The following SLC44A5 variants were observed in gnomAD, a reference collection of about 807,000 sequenced individuals.
SLC44A5 encodes the protein choline transporter-like protein 5.
SLC44A5 carries 57 observed loss-of-function variants against 101.8 expected under a neutral mutation model. The ratio of observed to expected loss-of-function variants is 0.56; its 90% CI spans 0.45 to 0.70. The LOEUF is 0.70. SLC44A5 is among the 30% of genes least tolerant of loss of function. The pLI is 0.00. For missense variants in SLC44A5, 737 were observed against 853.1 expected, an observed-to-expected ratio of 0.86 and a Z score of 1.70; for synonymous variants, 281 against 290.9, an observed-to-expected ratio of 0.97 and a Z score of 0.35.
At chr1:75,476,513 C>T (rs576941584) in intron 2 of SLC44A5, among the ~76,000 whole-genome samples, 1 of 152,320 alleles carries the variant, frequency 6.6e-6, no homozygotes, top group East Asian at 1.9e-4. Context: ...AAAGGGGTGA[C>T]AGACGGCACC....
chr1:75,211,624 T>G, intron 22 of SLC44A5, 72 bp from the exon 23 acceptor site: 1 of 1,142,326 alleles, frequency 8.8e-7, no homozygotes, highest in Non-Finnish European at 1.3e-6. Context: ...CAGCTATAAA[T>G]GAAAGCCATG....
the SLC44A5 span, among the ~76,000 whole-genome samples, chr1:75,671,879 T>C: frequency 6.6e-6 from 1 of 152,256 alleles, no homozygotes; most frequent in African/African-American, 2.4e-5. Context: ...TATTTTCACA[T>C]GGATTCTTAA....
intron 1 of SLC44A5, among the ~76,000 whole-genome samples, chr1:75,547,683 AAAAC>A (rs1159700247): frequency 6.6e-6 from 1 of 152,180 alleles, no homozygotes; most frequent in Non-Finnish European, 1.5e-5. Flanking sequence ...AGCTTTAGCA[AAAAC>A]AAACAAACAA....
At position 75,215,765 on chromosome 1, in the gene SLC44A5, C is replaced by T. The variant is rs749022659; in HGVS notation, c.1717G>A (p.Ala573Thr). 6.3e-7 allele frequency: 1 copy of T among 1,586,126 alleles called. No individual in the cohort carries two copies. Among genetic ancestry groups the T allele is most frequent in the South Asian group, 1.1e-5 (1 of 90,318 alleles). ...ENAIKFLNRN[A>T]YIMIAIYGRN... ...AATAATCTACCTACCATAATATAGG[C>T]ATTTCTGTTTAAAAACTTTATTGCA... is the stretch of plus-strand genomic sequence containing the variant. The change falls in exon 19 of 24, where the codon GCC becomes ACC. Residue 573 changes from alanine to threonine, a missense_variant. Ala to Thr is a moderately conservative substitution (Grantham distance 58). Coordinates refer to ENST00000370859, the MANE Select transcript of SLC44A5 (RefSeq NM_001130058.2).
intron 1 of SLC44A5, among the ~76,000 whole-genome samples, chr1:75,567,336 G>A (rs1173056343): frequency 6.6e-6 from 1 of 152,116 alleles, no homozygotes; most frequent in Admixed American, 6.5e-5. Context: ...AGAACCTTTT[G>A]CATAATTTGC....
chr1:75,490,826 T>G (rs1668386251), intron 2 of SLC44A5, among the ~76,000 whole-genome samples: 1 of 152,170 alleles, frequency 6.6e-6, no homozygotes, highest in African/African-American at 2.4e-5. Context: ...ATTCTTTACA[T>G]GGGTTAGTGC....
chr1:75,475,090 T>A (rs1371274787), intron 2 of SLC44A5, among the ~76,000 whole-genome samples: 1 of 152,220 alleles, frequency 6.6e-6, no homozygotes, highest in Non-Finnish European at 1.5e-5. Context: ...CCTTTACCAC[T>A]TGCCCTCTGT....
intron 3 of SLC44A5, among the ~76,000 whole-genome samples, chr1:75,385,316 C>T (rs908549158): frequency 4.1e-5 from 6 of 147,234 alleles, no homozygotes; most frequent in East Asian, 2.0e-4. Flanking sequence ...GCTAGCAAGA[C>T]TAATAAAGAA....
chr1:75,536,627 G>GAAAGAAA (rs1371383359), intron 2 of SLC44A5, among the ~76,000 whole-genome samples: 13 of 35,504 alleles, frequency 3.7e-4, no homozygotes, highest in Non-Finnish European at 4.9e-4. Flanking sequence ...GAAAAGAAAA[G>GAAAGAAA]AAAGAAAAAA....
intron 12 of SLC44A5, among the ~76,000 whole-genome samples, chr1:75,232,387 A>G (rs1647657985): frequency 6.6e-6 from 1 of 152,114 alleles, no homozygotes. Flanking sequence ...CTCCAGTGGC[A>G]AAGGGCAGAG....
At position 75,286,013 on chromosome 1, in the gene SLC44A5, A is replaced by G. The variant is rs143443785; in HGVS notation, c.176-10971T>C. On this transcript the variant is annotated intron_variant, in intron 5 of 23. Coordinates refer to ENST00000370859, the MANE Select transcript of SLC44A5 (RefSeq NM_001130058.2). ...TTGTTCTAGGATATAGTTTAAGTCC[A>G]TTGTTGCTTTTTGACTTTTTGTCTT... 6.3e-3 allele frequency among the ~76,000 whole-genome samples: 951 copies of G among 152,108 alleles called. 15 individuals are homozygous for G. The highest frequency in any genetic ancestry group is 0.022 in the African/African-American group (920 of 41,534).
intron 3 of SLC44A5, among the ~76,000 whole-genome samples, chr1:75,346,502 C>T (rs924441779): frequency 1.3e-5 from 2 of 152,028 alleles, no homozygotes; most frequent in Admixed American, 6.6e-5. Flanking sequence ...GAAGAATGGA[C>T]GTTTAGGGGG....
At chr1:75,600,995 T>C (rs946737883) in intron 1 of SLC44A5, among the ~76,000 whole-genome samples, 11 of 152,062 alleles carry the variant, frequency 7.2e-5, no homozygotes, top group Non-Finnish European at 1.5e-4. Flanking sequence ...ACAAAATGAA[T>C]CAAGTGCATG....
chr1:75,587,572 C>T (rs141115761), intron 1 of SLC44A5, among the ~76,000 whole-genome samples: 1 of 152,292 alleles, frequency 6.6e-6, no homozygotes, highest in East Asian at 1.9e-4. Flanking sequence ...TCAAGAGATA[C>T]CTTTCCTCCA....
chr1:75,293,358 G>C (rs1369756496), intron 5 of SLC44A5, among the ~76,000 whole-genome samples: 1 of 152,190 alleles, frequency 6.6e-6, no homozygotes, highest in Non-Finnish European at 1.5e-5. Flanking sequence ...AGGAGAAAAT[G>C]TGATTAGACC....
chr1:75,681,241 T>G, the SLC44A5 span, among the ~76,000 whole-genome samples: 1 of 152,154 alleles, frequency 6.6e-6, no homozygotes, highest in Admixed American at 6.5e-5. Context: ...GAGGTAATCC[T>G]CCCTAACTCA....
chr1:75,639,188 A>T, the SLC44A5 span, among the ~76,000 whole-genome samples: 4 of 152,086 alleles, frequency 2.6e-5, no homozygotes, highest in Non-Finnish European at 1.5e-5. Context: ...AAATGCTAAG[A>T]TAGTGGATGT....
chr1:75,591,089 T>A (rs2102108686), intron 1 of SLC44A5, among the ~76,000 whole-genome samples: 1 of 152,254 alleles, frequency 6.6e-6, no homozygotes, highest in Non-Finnish European at 1.5e-5. Flanking sequence ...AGACTGTATG[T>A]TTGGGAGAAA....
At chr1:75,535,641 G>A (rs1209903774) in intron 2 of SLC44A5, among the ~76,000 whole-genome samples, 1 of 152,114 alleles carries the variant, frequency 6.6e-6, no homozygotes, top group Non-Finnish European at 1.5e-5. Flanking sequence ...GGGTAGCCAG[G>A]ACAAATTTTG....
Sources: gnomAD v4.1 joint callset for allele counts (sites outside exome capture counted in the v4.1 genomes callset) on GRCh38, gnomAD v4.1.1 for gene constraint, MANE v1.5 for transcripts, NCBI Gene and HGNC (gene_info 2026-07-23, HGNC 2026-07-21) for gene names.